The following PREX2 variants were observed in gnomAD, a reference collection of about 807,000 sequenced individuals.
The protein encoded by PREX2 is phosphatidylinositol 3,4,5-trisphosphate-dependent Rac exchanger 2 protein.
Under a neutral mutation model 203.2 loss-of-function variants are expected in PREX2, and 107 were observed. The ratio of observed to expected loss-of-function variants is 0.53; its 90% confidence interval spans 0.45 to 0.62. PREX2 has a LOEUF of 0.62. Ranked by LOEUF, PREX2 falls within the 20% of genes least tolerant of loss-of-function variation. PREX2 has a pLI of 0.00. For missense variants in PREX2, 1,777 were observed against 1,955.9 expected (o/e 0.91, Z 1.72); for synonymous variants, 672 against 663.6 (o/e 1.01, Z -0.19).
chr8:68,147,207 C>T (rs1585827790), intron 34 of PREX2, among the ~76,000 whole-genome samples: 1 of 152,038 alleles, frequency 6.6e-6, no homozygotes, highest in East Asian at 1.9e-4. Flanking sequence ...TTTCAATGCT[C>T]TAATAAAAAA....
intron 25 of PREX2, among the ~76,000 whole-genome samples, chr8:68,110,014 CAT>C (rs1243444817): frequency 6.6e-6 from 1 of 152,086 alleles, no homozygotes; most frequent in African/African-American, 2.4e-5. Context: ...TTATAAAAGA[CAT>C]AAAGTATAAT....
intron 1 of PREX2, among the ~76,000 whole-genome samples, chr8:67,988,465 A>G (rs2129609408): frequency 6.6e-6 from 1 of 152,130 alleles, no homozygotes; most frequent in East Asian, 1.9e-4. Flanking sequence ...GCCATTGTTC[A>G]CAGGGAAGCC....
chr8:68,117,326 G>T (rs1810678697), intron 26 of PREX2, among the ~76,000 whole-genome samples: 1 of 152,184 alleles, frequency 6.6e-6, no homozygotes, highest in Non-Finnish European at 1.5e-5. Flanking sequence ...TGGCTTCCCA[G>T]TTTGTCTCTT....
Position 68,134,255 on chromosome 8 carries a change from G to A in PREX2, c.3963G>A (p.Gln1321=). The change falls in exon 32 of 40, where the codon CAG becomes CAA. Residue 1321 remains glutamine (Q), a synonymous_variant. Transcript: ENST00000288368. Reference sequence around the variant, plus strand: ...ATGCAGGTGTTCTTTTTCACTTTCAGTCACTTCTGTCACCAAACTTGGTAA... The same window carrying A: ...ATGCAGGTGTTCTTTTTCACTTTCAATCACTTCTGTCACCAAACTTGGTAA... ...IANAGVLFHF[Q]SLLSPNLTDE... is the part of the protein sequence containing the mutation. 2 of 1,613,904 alleles carry A rather than the reference G, an allele frequency of 1.2e-6. No individual in the cohort carries two copies. The highest frequency in any genetic ancestry group is 1.3e-5 in the African/African-American group (1 of 75,032).
chr8:68,072,008 T>C (rs1285675486), intron 13 of PREX2, among the ~76,000 whole-genome samples: 1 of 152,186 alleles, frequency 6.6e-6, no homozygotes, highest in Non-Finnish European at 1.5e-5. Context: ...AAGTTCTCAC[T>C]TAATGTCATC....
At chr8:68,160,768 C>A (rs1013466544) in intron 35 of PREX2, among the ~76,000 whole-genome samples, 4 of 152,076 alleles carry the variant, frequency 2.6e-5, no homozygotes, top group Non-Finnish European at 2.9e-5. Flanking sequence ...AATCTTTATT[C>A]TTTGATAGAG....
rs1200199784 is a variant in PREX2 at position 68,027,226 on chromosome 8, G to T, written c.446G>T (p.Cys149Phe). 1 of 1,608,480 alleles carries T rather than the reference G, an allele frequency of 6.2e-7. No homozygotes were observed. The highest frequency in any genetic ancestry group is 2.2e-5 in the East Asian group (1 of 44,800). Reference protein sequence around the residue: ...IRTIRTFLLNCMLLGGRKNTD... With the variant: ...IRTIRTFLLNFMLLGGRKNTD... Reference sequence around the variant, plus strand: ...TTTTGATTATTTTCACCCCAGAACTGCATGCTGCTTGGAGGACGGAAGAAC... The same window carrying T: ...TTTTGATTATTTTCACCCCAGAACTTCATGCTGCTTGGAGGACGGAAGAAC... Residue 149 changes from cysteine (C) to phenylalanine (F), a missense_variant, in exon 5 of 40, where the codon TGC becomes TTC. Coordinates refer to ENST00000288368, the MANE Select transcript of PREX2 (RefSeq NM_024870.4).
chr8:68,043,075 T>C (rs1040528712), intron 7 of PREX2, among the ~76,000 whole-genome samples: 3 of 152,166 alleles, frequency 2.0e-5, no homozygotes, highest in African/African-American at 7.2e-5. Context: ...ATTTTCCAGC[T>C]GGAAATAATA....
At chr8:68,037,793 A>G (rs1224046738) in intron 6 of PREX2, among the ~76,000 whole-genome samples, 3 of 152,162 alleles carry the variant, frequency 2.0e-5, no homozygotes, top group African/African-American at 7.2e-5. Context: ...TTTTTCCCAC[A>G]TACTGAGGAA....
rs76929454 is a variant in PREX2 at position 68,191,298 on chromosome 8, C to T, written c.4347-424C>T. Among the ~76,000 whole-genome samples the T allele has an allele frequency of 0.016, 2,503 of 152,186 alleles. 110 individuals are homozygous for T. The East Asian group carries it at 0.17, about 10-fold the overall frequency. ...CTCACAATAAATGAAAATTGGATAA[C>T]GTTCTTCAATAGTCACAAAAATGTA... On this transcript the variant is annotated intron_variant, in intron 35 of 39. Transcript: ENST00000288368.
chr8:68,012,565 G>T (rs937481214), intron 1 of PREX2, among the ~76,000 whole-genome samples: 3 of 152,148 alleles, frequency 2.0e-5, no homozygotes, highest in Non-Finnish European at 2.9e-5. Flanking sequence ...AGTAATTCAG[G>T]TGTGGGATAT....
Position 68,116,445 on chromosome 8 carries a change from G to A in PREX2, c.3326+513G>A, listed in dbSNP as rs531327875. 5.3e-5 allele frequency among the ~76,000 whole-genome samples: 8 copies of A among 152,248 alleles called. No individual in the cohort carries two copies. In the South Asian group the frequency reaches 1.7e-3, roughly 32 times the overall value. On this transcript the variant is annotated intron_variant, in intron 26 of 39. Coordinates refer to ENST00000288368, the MANE Select transcript of PREX2 (RefSeq NM_024870.4). ...TCTGTATTAGTTTTGTAGGGCTGCTGTAACAGATTACTACAAACTGGGCAG... is the reference window on the plus strand; with the variant it reads ...TCTGTATTAGTTTTGTAGGGCTGCTATAACAGATTACTACAAACTGGGCAG...
intron 34 of PREX2, among the ~76,000 whole-genome samples, chr8:68,156,774 G>C (rs550601892): frequency 3.2e-4 from 48 of 152,270 alleles, no homozygotes; most frequent in African/African-American, 1.2e-3. Context: ...ATAAAAAAAA[G>C]GGTAAGATTT....
intron 1 of PREX2, among the ~76,000 whole-genome samples, chr8:67,976,991 G>A (rs896689841): frequency 1.3e-5 from 2 of 152,192 alleles, no homozygotes; most frequent in Non-Finnish European, 2.9e-5. Flanking sequence ...CAAAATAAAT[G>A]GTTATTGTAA....
At chr8:68,101,129 A>G (rs969592549) in intron 23 of PREX2, among the ~76,000 whole-genome samples, 15 of 152,142 alleles carry the variant, frequency 9.9e-5, no homozygotes, top group African/African-American at 2.9e-4. Context: ...GTACTAGATA[A>G]TATTCTTTAT....
intron 35 of PREX2, among the ~76,000 whole-genome samples, chr8:68,174,113 C>A (rs1338522277): frequency 1.3e-5 from 2 of 152,114 alleles, no homozygotes; most frequent in Non-Finnish European, 2.9e-5. Flanking sequence ...TTTTGCTCAG[C>A]TCCTTTTTGC....
At chr8:68,078,513 T>A (rs561539799) in intron 15 of PREX2, among the ~76,000 whole-genome samples, 2 of 152,224 alleles carry the variant, frequency 1.3e-5, no homozygotes, top group Non-Finnish European at 2.9e-5. Context: ...TTGATAGCAC[T>A]TATACCTGTT....
At chr8:68,050,494 C>G (rs545864741) in intron 8 of PREX2, among the ~76,000 whole-genome samples, 1 of 152,186 alleles carries the variant, frequency 6.6e-6, no homozygotes, top group South Asian at 2.1e-4. Flanking sequence ...AGAACAGCAC[C>G]AAAGGGGAAA....
chr8:68,156,689 T>C (rs562045709), intron 34 of PREX2, among the ~76,000 whole-genome samples: 1 of 152,304 alleles, frequency 6.6e-6, no homozygotes, highest in South Asian at 2.1e-4. Flanking sequence ...AACTTAGGCT[T>C]AAATATAACC....
Sources: gnomAD v4.1 joint callset for allele counts (sites outside exome capture counted in the v4.1 genomes callset) on GRCh38, gnomAD v4.1.1 for gene constraint, MANE v1.5 for transcripts, NCBI Gene and HGNC (gene_info 2026-07-23, HGNC 2026-07-21) for gene names.